LDLRAD3: variants seen among roughly 807,000 people sequenced by gnomAD.
LDLRAD3 encodes low-density lipoprotein receptor class A domain-containing protein 3.
A neutral mutation model predicts 29.4 loss-of-function variants in LDLRAD3; 20 were observed. That is an observed-to-expected ratio of 0.68 (90% CI 0.48 to 0.99). LDLRAD3 has a LOEUF of 0.99. Ranked by LOEUF, LDLRAD3 falls within the 50% of genes least tolerant of loss-of-function variation. The probability of loss-of-function intolerance (pLI) is 0.00; values close to 1 mark genes in which losing one functional copy is unlikely to be tolerated. For synonymous variants in LDLRAD3, 157 were observed against 192.7 expected, an observed-to-expected ratio of 0.81 and a Z score of 1.53; for missense variants, 420 against 454.3, an observed-to-expected ratio of 0.92 and a Z score of 0.69.
At chr11:35,958,931 C>T (rs1333472837) in intron 1 of LDLRAD3, among the ~76,000 whole-genome samples, 5 of 152,188 alleles carry the variant, frequency 3.3e-5, no homozygotes, top group Non-Finnish European at 5.9e-5. Flanking sequence ...CTCCTGGAAA[C>T]TTTGCAAGAA....
chr11:36,105,139 G>A (rs532535803), intron 4 of LDLRAD3, among the ~76,000 whole-genome samples: 13 of 151,802 alleles, frequency 8.6e-5, no homozygotes, highest in African/African-American at 3.1e-4. Context: ...TGAAAAGCTG[G>A]CTGTGAGATT....
intron 2 of LDLRAD3, among the ~76,000 whole-genome samples, chr11:36,071,039 A>G (rs571603810): frequency 6.6e-6 from 1 of 152,326 alleles, no homozygotes; most frequent in South Asian, 2.1e-4. Flanking sequence ...TTAGAATGAT[A>G]AAAAGAAGAG....
intron 4 of LDLRAD3, among the ~76,000 whole-genome samples, chr11:36,185,138 C>T (rs764869719): frequency 3.3e-5 from 5 of 152,140 alleles, no homozygotes; most frequent in Non-Finnish European, 5.9e-5. Context: ...AATTATAGAA[C>T]CATTCCTCTG....
At chr11:36,206,763 G>T (rs1590356070) in intron 4 of LDLRAD3, among the ~76,000 whole-genome samples, 1 of 140,982 alleles carries the variant, frequency 7.1e-6, no homozygotes, top group African/African-American at 2.7e-5. Flanking sequence ...GTCCTGCTCT[G>T]TCACCCAGGC....
chr11:36,038,899 G>A (rs1565178311), intron 2 of LDLRAD3, among the ~76,000 whole-genome samples: 1 of 151,590 alleles, frequency 6.6e-6, no homozygotes, highest in Non-Finnish European at 1.5e-5. Context: ...ACATTAGAAA[G>A]TTTAGACAGT....
At chr11:36,150,778 TAAAAAG>T (rs1854267844) in intron 4 of LDLRAD3, among the ~76,000 whole-genome samples, 1 of 131,862 alleles carries the variant, frequency 7.6e-6, no homozygotes, top group African/African-American at 3.0e-5. Context: ...AATAAAAAAT[TAAAAAG>T]GAAAGAAAGA....
At chr11:36,226,755 G>A (rs747623593) in intron 4 of LDLRAD3, among the ~76,000 whole-genome samples, 55 of 152,224 alleles carry the variant, frequency 3.6e-4, no homozygotes, top group Non-Finnish European at 6.3e-4. Flanking sequence ...TGCCTTTCCT[G>A]GAAATTTTGT....
chr11:36,208,289 G>T, intron 4 of LDLRAD3, among the ~76,000 whole-genome samples: 1 of 152,230 alleles, frequency 6.6e-6, no homozygotes, highest in Non-Finnish European at 1.5e-5. Flanking sequence ...AAATACCTGA[G>T]ACTGAATCAT....
intron 1 of LDLRAD3, among the ~76,000 whole-genome samples, chr11:35,946,623 C>T (rs1590672422): frequency 6.6e-6 from 1 of 152,132 alleles, no homozygotes; most frequent in Non-Finnish European, 1.5e-5. Flanking sequence ...GTGCGTATGG[C>T]TTGAGACATT....
chr11:36,172,272 G>A lies in LDLRAD3; in HGVS notation c.455-54813G>A, dbSNP rs747756325. On this transcript the variant is annotated intron_variant, in intron 4 of 5. Transcript: ENST00000315571. The stretch of plus-strand genomic sequence containing the variant: ...TTTTAGGTATATGATCATATCATAA[G>A]TGAAGAGCAACAGTTTGACCTCCTC... Among the ~76,000 whole-genome samples, 6 of 152,124 alleles carry A rather than the reference G, an allele frequency of 3.9e-5. No homozygotes were observed. The East Asian group carries it at 1.2e-3, about 29-fold the overall frequency.
chr11:36,045,029 C>T (rs181175692), intron 2 of LDLRAD3, among the ~76,000 whole-genome samples: 3,015 of 152,310 alleles, frequency 0.02, 91 homozygotes, highest in African/African-American at 0.069. Flanking sequence ...TGGCCTTCAG[C>T]ACTGTAGGCC....
At chr11:36,108,317 C>A (rs1853559506) in intron 4 of LDLRAD3, among the ~76,000 whole-genome samples, 2 of 37,612 alleles carry the variant, frequency 5.3e-5, no homozygotes, top group South Asian at 1.3e-3. Context: ...GAGACTCCAT[C>A]TCAAAAAAAA....
chr11:36,186,778 AT>A (rs61503084), intron 4 of LDLRAD3, among the ~76,000 whole-genome samples: 2,638 of 152,332 alleles, frequency 0.017, 59 homozygotes, highest in African/African-American at 0.052. Flanking sequence ...GCACTTGCAT[AT>A]GGCTATGAGA....
chr11:35,991,408 A>G (rs1258039189), intron 1 of LDLRAD3, among the ~76,000 whole-genome samples: 1 of 152,166 alleles, frequency 6.6e-6, no homozygotes, highest in African/African-American at 2.4e-5. Flanking sequence ...ACCTCCATAT[A>G]TTACATTCCG....
chr11:36,218,802 G>A (rs960562749), intron 4 of LDLRAD3, among the ~76,000 whole-genome samples: 4 of 152,152 alleles, frequency 2.6e-5, no homozygotes, highest in African/African-American at 9.7e-5. Flanking sequence ...AGCATTGTTT[G>A]TAATAGCAAA....
At chr11:36,028,149 T>A (rs547317557) in intron 1 of LDLRAD3, among the ~76,000 whole-genome samples, 1 of 152,352 alleles carries the variant, frequency 6.6e-6, no homozygotes, top group Admixed American at 6.5e-5. Context: ...CATTGCATAT[T>A]GCGTGGCAGA....
At chr11:36,143,376 A>G (rs1194891465) in intron 4 of LDLRAD3, among the ~76,000 whole-genome samples, 1 of 152,234 alleles carries the variant, frequency 6.6e-6, no homozygotes, top group Non-Finnish European at 1.5e-5. Flanking sequence ...AAGCTGGCAC[A>G]TCAGGTGAAT....
rs1383307357 is a variant in LDLRAD3 at position 35,986,821 on chromosome 11, A to G, written c.46+42677A>G. 2.0e-5 allele frequency among the ~76,000 whole-genome samples: 3 copies of G among 152,242 alleles called. No homozygotes were observed. The East Asian group carries it at 5.8e-4, about 29-fold the overall frequency. Reference sequence around the variant, plus strand: ...TCAGATGAGTATCACTCTCTGCCACAGATGATGCAGAGCACACCTTTTGGT... The same window carrying G: ...TCAGATGAGTATCACTCTCTGCCACGGATGATGCAGAGCACACCTTTTGGT... On this transcript the variant is annotated intron_variant, in intron 1 of 5. Coordinates refer to ENST00000315571, the MANE Select transcript of LDLRAD3 (RefSeq NM_174902.4).
intron 1 of LDLRAD3, among the ~76,000 whole-genome samples, chr11:35,955,674 T>C (rs1164769223): frequency 6.6e-6 from 1 of 152,164 alleles, no homozygotes; most frequent in Non-Finnish European, 1.5e-5. Context: ...TATCTGATCA[T>C]CCCACATAAA....
Sources: gnomAD v4.1 joint callset for allele counts (sites outside exome capture counted in the v4.1 genomes callset) on GRCh38, gnomAD v4.1.1 for gene constraint, MANE v1.5 for transcripts, NCBI Gene and HGNC (gene_info 2026-07-23, HGNC 2026-07-21) for gene names.